Variants in TMEM245 observed in about 807,000 individuals in gnomAD.
TMEM245 encodes protein CG-2.
TMEM245 carries 69 observed loss-of-function variants against 101.2 expected under a neutral mutation model. The observed-to-expected ratio is 0.68, with a 90% CI of 0.56 to 0.83. The LOEUF (loss-of-function observed/expected upper bound fraction) is 0.83, where lower values mean the gene tolerates loss of function less well. Ranked by LOEUF, TMEM245 falls within the 40% of genes least tolerant of loss-of-function variation. TMEM245 has a pLI of 0.00. For synonymous variants in TMEM245, 537 were observed against 449.8 expected, an observed-to-expected ratio of 1.19 and a Z score of -2.45; for missense variants, 1,075 against 1,092.8, an observed-to-expected ratio of 0.98 and a Z score of 0.23.
intron 9 of TMEM245, among the ~76,000 whole-genome samples, chr9:109,067,183 C>T (rs1475664652): frequency 6.6e-6 from 1 of 152,046 alleles, no homozygotes; most frequent in Non-Finnish European, 1.5e-5. Flanking sequence ...TCCCAATGTA[C>T]TCACACAGGT....
intron 3 of TMEM245, among the ~76,000 whole-genome samples, chr9:109,104,247 A>C (rs964223480): frequency 2.6e-5 from 4 of 152,202 alleles, no homozygotes; most frequent in African/African-American, 7.2e-5. Context: ...ACCCCATTTT[A>C]CTTGATGTGA....
chr9:109,070,063 A>T (rs1224924115), intron 9 of TMEM245, among the ~76,000 whole-genome samples: 1 of 152,028 alleles, frequency 6.6e-6, no homozygotes, highest in Non-Finnish European at 1.5e-5. Context: ...TTGTGAACCT[A>T]TTGTTTTTTG....
At chr9:109,108,147 T>C (rs1468799892) in intron 2 of TMEM245, among the ~76,000 whole-genome samples, 1 of 152,170 alleles carries the variant, frequency 6.6e-6, no homozygotes, top group African/African-American at 2.4e-5. Flanking sequence ...TATCGTTGAC[T>C]GCTTATCTAT....
intron 1 of TMEM245, among the ~76,000 whole-genome samples, chr9:109,112,904 C>T (rs1053111122): frequency 1.3e-5 from 2 of 152,012 alleles, no homozygotes; most frequent in East Asian, 3.9e-4. Flanking sequence ...GGTGAAACCC[C>T]GTCTCTACTA....
At chr9:109,059,780 G>T (rs1182918707) in intron 11 of TMEM245, among the ~76,000 whole-genome samples, 1 of 151,956 alleles carries the variant, frequency 6.6e-6, no homozygotes, top group Non-Finnish European at 1.5e-5. Flanking sequence ...AATGCCTACA[G>T]TTGTACTGTC....
intron 6 of TMEM245, among the ~76,000 whole-genome samples, chr9:109,086,247 G>A (rs749631729): frequency 1.3e-5 from 2 of 152,178 alleles, no homozygotes; most frequent in Non-Finnish European, 2.9e-5. Flanking sequence ...CCACATCTTT[G>A]TTGGGAATCC....
At chr9:109,103,359 A>G (rs899011628) in intron 3 of TMEM245, among the ~76,000 whole-genome samples, 1 of 152,248 alleles carries the variant, frequency 6.6e-6, no homozygotes, top group African/African-American at 2.4e-5. Context: ...ACATGATAGT[A>G]TCAAAAAGAA....
At chr9:109,083,915 A>AC (rs1829750038) in intron 7 of TMEM245, among the ~76,000 whole-genome samples, 1 of 141,632 alleles carries the variant, frequency 7.1e-6, no homozygotes, top group Admixed American at 7.2e-5. Flanking sequence ...AAAAAAAAAA[A>AC]AAAAAAAAAA....
At chr9:109,105,692 T>C (rs947431844) in intron 3 of TMEM245, among the ~76,000 whole-genome samples, 3 of 152,152 alleles carry the variant, frequency 2.0e-5, no homozygotes, top group Non-Finnish European at 2.9e-5. Context: ...CTGATATATG[T>C]ACAGGGTTTC....
Position 109,051,129 on chromosome 9 carries a change from A to G in TMEM245, c.1855-437T>C, listed in dbSNP as rs139239967. On this transcript the variant is annotated intron_variant, in intron 12 of 17. Coordinates refer to ENST00000374586, the MANE Select transcript of TMEM245 (RefSeq NM_032012.4). ...AACATAGTAAAACCCTGTCTCTACT[A>G]AAAATACAAAATTAGCCAAGTGTGG... 6.5e-3 allele frequency among the ~76,000 whole-genome samples: 982 copies of G among 152,094 alleles called. 12 individuals are homozygous for G. The highest frequency in any genetic ancestry group is 0.023 in the African/African-American group (940 of 41,488).
In TMEM245 at chr9:109,108,434, AAAAAAAG is replaced by A. The variant is rs1420072283; in HGVS notation, c.697+12_697+18del. ...TAGGCTAGACTTAAAAAAAAAAAAA[AAAAAAAG>A]AAGGAACCCACCTAAATGAAAAAGC... On this transcript the variant is annotated intron_variant, in intron 2 of 17. Transcript: ENST00000374586. 2.1e-6 allele frequency: 3 copies of A among 1,423,180 alleles called. No individual in the cohort carries two copies. The highest frequency in any genetic ancestry group is 5.3e-5 in the Admixed American group (2 of 37,668). The allele number at this position is 1,423,180 out of a possible 1,614,324, so 88.2% of individuals were successfully genotyped here. A position where few individuals can be genotyped will look rare whatever the true frequency, so the allele number is the denominator to read the frequency against.
intron 17 of TMEM245, among the ~76,000 whole-genome samples, chr9:109,022,654 T>G (rs1827666990): frequency 6.6e-6 from 1 of 152,182 alleles, no homozygotes; most frequent in African/African-American, 2.4e-5. Flanking sequence ...CCCACACTCC[T>G]GTCAGAACTA....
rs1356137969 is a variant in TMEM245, at chr9:109,016,164, TCAAA to T, written c.*4292_*4295del. ...TAAAGAAGGGGAGTGCAGTCTAAGG[TCAAA>T]CAGTGTTTGTCCCCTTTTATAAATT... is the stretch of plus-strand genomic sequence containing the variant. On this transcript the variant is annotated 3_prime_UTR_variant, in exon 18 of 18. Transcript: ENST00000374586. 5 of 152,594 alleles carry T rather than the reference TCAAA, an allele frequency of 3.3e-5. No homozygotes were observed. Among genetic ancestry groups the T allele is most frequent in the Admixed American group, 6.5e-5 (1 of 15,278 alleles). The allele number at this position is 152,594 out of a possible 1,614,324, so 9.5% of individuals were successfully genotyped here. A position where few individuals can be genotyped will look rare whatever the true frequency, so the allele number is the denominator to read the frequency against.
At chr9:109,112,393 T>C (rs1830589305) in intron 1 of TMEM245, among the ~76,000 whole-genome samples, 1 of 151,682 alleles carries the variant, frequency 6.6e-6, no homozygotes, top group Non-Finnish European at 1.5e-5. Context: ...ATACAAAAAT[T>C]AACCAGGTAT....
rs867042328 is a variant in TMEM245 at position 109,056,031 on chromosome 9, C to T, written c.1854+1160G>A. Among the ~76,000 whole-genome samples the T allele has an allele frequency of 1.2e-4, 18 of 152,290 alleles. No individual in the cohort carries two copies. In the South Asian group the frequency reaches 3.5e-3, roughly 30 times the overall value. ...AAAGAGGCTTTCAAAATTAAGGAAT[C>T]CATGTTAAAGGCCCAATATCTGATT... is the stretch of plus-strand genomic sequence containing the variant. On this transcript the variant is annotated intron_variant, in intron 12 of 17. Coordinates refer to ENST00000374586, the MANE Select transcript of TMEM245 (RefSeq NM_032012.4).
At chr9:109,104,030 A>T (rs952006532) in intron 3 of TMEM245, among the ~76,000 whole-genome samples, 2 of 152,092 alleles carry the variant, frequency 1.3e-5, no homozygotes, top group Non-Finnish European at 2.9e-5. Context: ...GGCTGCAGTG[A>T]GCTGAGATCA....
rs372676749 is a variant in TMEM245 at position 109,073,436 on chromosome 9, T to C, written c.1452A>G (p.Val484=). ...CAATCATGTGTACACTCTCTTGATG[T>C]ACCTGTATTACAGATAAAGAAAGAA... ...LLLALLLTAK[V]HQESVHMIEV... The change falls in exon 9 of 18, where the codon GTA becomes GTG. Residue 484 remains valine, a splice_region_variant and synonymous_variant. Coordinates refer to ENST00000374586, the MANE Select transcript of TMEM245 (RefSeq NM_032012.4). 1.9e-5 allele frequency: 30 copies of C among 1,598,934 alleles called. No homozygotes were observed. Among genetic ancestry groups the C allele is most frequent in the Middle Eastern group, 1.7e-4 (1 of 6,056 alleles).
chr9:109,071,775 G>A (rs1829342915), intron 9 of TMEM245, among the ~76,000 whole-genome samples: 1 of 152,124 alleles, frequency 6.6e-6, no homozygotes, highest in Admixed American at 6.5e-5. Flanking sequence ...GTTAATAAAA[G>A]GCAGGTCATA....
chr9:109,099,334 G>C (rs189938017), intron 3 of TMEM245, among the ~76,000 whole-genome samples: 4 of 152,292 alleles, frequency 2.6e-5, no homozygotes, highest in Middle Eastern at 3.4e-3. Context: ...ATTTGGGCTT[G>C]ACTGAACCAA....
Sources: allele counts gnomAD v4.1 joint callset (sites outside exome capture counted in the v4.1 genomes callset), GRCh38; gene constraint gnomAD v4.1.1; transcripts MANE v1.5; gene names NCBI Gene and HGNC (gene_info 2026-07-23, HGNC 2026-07-21).